Variants in PSG4 observed in about 807,000 individuals in gnomAD.
PSG4 encodes pregnancy specific beta-1-glycoprotein 4, also known as pregnancy-specific beta-1-glycoprotein 4.
PSG4 carries 61 observed loss-of-function variants against 44.3 expected under a neutral mutation model. The ratio of observed to expected loss-of-function variants is 1.38; its 90% CI spans 1.12 to 1.70. The LOEUF is 1.70. Among genes scored for constraint, PSG4 ranks in the 40% most tolerant of loss-of-function variants. The pLI is 0.00. For synonymous variants in PSG4, 248 were observed against 191.3 expected (o/e 1.30, Z -2.45); for missense variants, 677 against 511.7 (o/e 1.32, Z -3.12).
chr19:43,193,458 T>A (rs1225087646), intron 5 of PSG4, 70 bp from the exon 6 acceptor site: 12 of 763,494 alleles, frequency 1.6e-5, no homozygotes, highest in Non-Finnish European at 2.9e-5. Context: ...GTACTACAGT[T>A]TTTATTTTCC....
intron 2 of PSG4, among the ~76,000 whole-genome samples, chr19:43,202,839 A>T (rs1018867596): frequency 6.9e-6 from 1 of 144,666 alleles, no homozygotes; most frequent in Non-Finnish European, 1.5e-5. Flanking sequence ...ATTTGAGCCA[A>T]TAAATGACTA....
rs372055876 is a variant in PSG4 at position 43,196,296 on chromosome 19, G to A, written c.710-1023C>T. On this transcript the variant is annotated intron_variant, in intron 3 of 5. Transcript: ENST00000405312. ...GGATTCCAGAGTGAATATGAGAAGAGACTGCTGTTTGCCAGGAGCTGGGAG... is the reference window on the plus strand; with the variant it reads ...GGATTCCAGAGTGAATATGAGAAGAAACTGCTGTTTGCCAGGAGCTGGGAG... Among the ~76,000 whole-genome samples the A allele has an allele frequency of 2.3e-4, 35 of 151,720 alleles. No homozygotes were observed. In the East Asian group the frequency reaches 3.9e-3, roughly 17 times the overall value.
In PSG4 at chr19:43,193,362, C is replaced by T; in HGVS notation, c.*10G>A. 1 of 774,952 alleles carries T rather than the reference C, an allele frequency of 1.3e-6. No homozygotes were observed. The highest frequency in any genetic ancestry group is 2.4e-6 in the Non-Finnish European group (1 of 417,630). 48.0% of individuals were successfully genotyped at this position (774,952 alleles called of 1,614,324 possible). On this transcript the variant is annotated 3_prime_UTR_variant, in exon 6 of 6. Transcript: ENST00000405312. The stretch of plus-strand genomic sequence containing the variant: ...ATGGGAGAAAATGGAATTGGAGGAA[C>T]TAGTAGAATTCAGGGTAATATCCAG...
rs553722094 is a variant in PSG4 at position 43,194,001 on chromosome 19, A to G, written c.1243+339T>C. 1.3e-4 allele frequency: 117 copies of G among 912,068 alleles called. 2 individuals are homozygous for G. Among genetic ancestry groups the G allele is most frequent in the Non-Finnish European group, 1.9e-5 (11 of 583,768 alleles). The allele number at this position is 912,068 out of a possible 1,614,324, so 56.5% of individuals were successfully genotyped here. On this transcript the variant is annotated intron_variant, in intron 5 of 5. Transcript: ENST00000405312. ...TGCTACAAGCTATAGATAGATTAAA[A>G]GAAAAAAATTCCATAAATCTAGAAA... is the stretch of plus-strand genomic sequence containing the variant.
chr19:43,195,887 G>C (rs1967225088), intron 3 of PSG4, among the ~76,000 whole-genome samples: 1 of 150,344 alleles, frequency 6.7e-6, no homozygotes, highest in Non-Finnish European at 1.5e-5. Flanking sequence ...GGTGTTTCAT[G>C]ATGACTTACT....
At chr19:43,198,492 G>C (rs963970036) in intron 2 of PSG4, 7 of 898,230 alleles carry the variant, frequency 7.8e-6, no homozygotes, top group Admixed American at 6.4e-5. Context: ...ACTTTCTTAG[G>C]TGTGAATTGA....
chr19:43,203,850 T>TC (rs1967629469), intron 2 of PSG4, 36 bp downstream of exon 2: 1 of 1,568,056 alleles, frequency 6.4e-7, no homozygotes, highest in African/African-American at 1.5e-5. Flanking sequence ...GTGACCCCTG[T>TC]CCCCCAACAC....
chr19:43,194,665 GAC>G, intron 4 of PSG4, 71 bp from the exon 5 acceptor site: 1 of 1,551,602 alleles, frequency 6.4e-7, no homozygotes, highest in Admixed American at 1.9e-5. Context: ...CTCTTAAAGG[GAC>G]ACAGTTACCC....
intron 4 of PSG4, 55 bp from the exon 5 acceptor site, chr19:43,194,649 C>A: frequency 6.4e-7 from 1 of 1,570,406 alleles, no homozygotes; most frequent in Non-Finnish European, 8.6e-7. Flanking sequence ...AGGGGATGTT[C>A]CTGGTCTCTT....
At chr19:43,205,139 G>A (rs10425378) in intron 1 of PSG4, among the ~76,000 whole-genome samples, 66,533 of 110,512 alleles carry the variant, frequency 0.6, 21,822 homozygotes, top group East Asian at 0.83. Flanking sequence ...ACGGAGTCTC[G>A]TCCTGTCACC....
At chr19:43,205,131 G>T (rs1161834751) in intron 1 of PSG4, among the ~76,000 whole-genome samples, 2 of 22,914 alleles carry the variant, frequency 8.7e-5, no homozygotes, top group Non-Finnish European at 1.6e-4. Context: ...TTTTTGAGAC[G>T]GAGTCTCGTC....
intron 2 of PSG4, among the ~76,000 whole-genome samples, chr19:43,201,309 C>T (rs1967500104): frequency 2.1e-5 from 3 of 145,536 alleles, no homozygotes. Context: ...CTTTGTCAAA[C>T]TAGTGAAAGA....
At chr19:43,201,270 C>A (rs555990520) in intron 2 of PSG4, among the ~76,000 whole-genome samples, 1 of 145,640 alleles carries the variant, frequency 6.9e-6, no homozygotes, top group Non-Finnish European at 1.5e-5. Context: ...CTCCATAAAA[C>A]TAACACCCTT....
Position 43,194,435 on chromosome 19 carries a change from TG to T in PSG4, c.1147del (p.Gln383LysfsTer2). The T allele has an allele frequency of 1.9e-6, 3 of 1,612,382 alleles. No individual in the cohort carries two copies. Among genetic ancestry groups the T allele is most frequent in the Middle Eastern group, 3.3e-4 (2 of 6,052 alleles). ...GAGCCCACTATGCTTTGTAGTTATT[TG>T]GGGGATAGAGAGCTTTTGTCCTGAT... ...QLSGQKLSIP[Q>X]ITTKHSGLYA... On this transcript the variant is annotated frameshift_variant, in exon 5 of 6. Coordinates refer to ENST00000405312, the MANE Select transcript of PSG4 (RefSeq NM_002780.5). LOFTEE classifies it high-confidence loss of function.
At position 43,193,162 on chromosome 19, in the gene PSG4, C is replaced by T; in HGVS notation, c.*210G>A. ...ACTGTCCACAGTGTGAAGTCATCAA[C>T]TTGTTATCCTGGTTTACAGTTTGAG... On this transcript the variant is annotated 3_prime_UTR_variant, in exon 6 of 6. Coordinates refer to ENST00000405312, the MANE Select transcript of PSG4 (RefSeq NM_002780.5). 1.4e-6 allele frequency: 1 copy of T among 719,424 alleles called. No homozygotes were observed. The highest frequency in any genetic ancestry group is 1.9e-5 in the Admixed American group (1 of 52,418). The allele number at this position is 719,424 out of a possible 1,614,324, so 44.6% of individuals were successfully genotyped here. A position where few individuals can be genotyped will look rare whatever the true frequency, so the allele number is the denominator to read the frequency against.
At position 43,194,366 on chromosome 19, in the gene PSG4, G is replaced by A; in HGVS notation, c.1217C>T (p.Ser406Phe). 2 of 1,612,442 alleles carry A rather than the reference G, an allele frequency of 1.2e-6. No individual in the cohort carries two copies. Among genetic ancestry groups the A allele is most frequent in the Non-Finnish European group, 1.7e-6 (2 of 1,179,118 alleles). ...VRNSATGKES[S>F]KSITVKVSDW... Reference sequence around the variant, plus strand: ...AGAGACTTTGACTGTGATGGATTTGGAGCTTTCCTTGCCAGTGGCTGAGTT... The same window carrying A: ...AGAGACTTTGACTGTGATGGATTTGAAGCTTTCCTTGCCAGTGGCTGAGTT... The change falls in exon 5 of 6, where the codon TCC (serine) becomes TTC (phenylalanine). Residue 406 changes from serine (S) to phenylalanine (F), a missense_variant. Coordinates refer to ENST00000405312, the MANE Select transcript of PSG4 (RefSeq NM_002780.5).
Position 43,205,053 on chromosome 19 carries a change from T to A in PSG4, c.64+420A>T, listed in dbSNP as rs1218215210. ...TGACCCTCTGGTGTATTTTCCCCTA[T>A]CCAGGCTCCAACAGAGCCTTCTTTC... On this transcript the variant is annotated intron_variant, in intron 1 of 5. Coordinates refer to ENST00000405312, the MANE Select transcript of PSG4 (RefSeq NM_002780.5). 1.1e-4 allele frequency: 23 copies of A among 214,018 alleles called. 2 individuals are homozygous for A. Among genetic ancestry groups the A allele is most frequent in the Non-Finnish European group, 1.8e-4 (21 of 114,108 alleles). The allele number at this position is 214,018 out of a possible 1,614,324, so 13.3% of individuals were successfully genotyped here. A position where few individuals can be genotyped will look rare whatever the true frequency, so the allele number is the denominator to read the frequency against.
In PSG4 at chr19:43,193,166, T is replaced by C. The variant is rs1263118452; in HGVS notation, c.*206A>G. ...TCCACAGTGTGAAGTCATCAACTTG[T>C]TATCCTGGTTTACAGTTTGAGTAGC... On this transcript the variant is annotated 3_prime_UTR_variant, in exon 6 of 6. Transcript: ENST00000405312. 3 of 726,148 alleles carry C rather than the reference T, an allele frequency of 4.1e-6. No individual in the cohort carries two copies. Among genetic ancestry groups the C allele is most frequent in the Non-Finnish European group, 7.6e-6 (3 of 396,842 alleles). 45.0% of individuals were successfully genotyped at this position (726,148 alleles called of 1,614,324 possible).
At position 43,203,913 on chromosome 19, in the gene PSG4, T is replaced by A. The variant is rs749864605; in HGVS notation, c.403A>T (p.Thr135Ser). The A allele has an allele frequency of 3.2e-6, 5 of 1,583,358 alleles. No homozygotes were observed. In the South Asian group the frequency reaches 5.6e-5, roughly 18 times the overall value. Residue 135 changes from threonine to serine, a missense_variant, in exon 2 of 6, where the codon ACT becomes TCT. Transcript: ENST00000405312. The stretch of plus-strand genomic sequence containing the variant: ...TGTAAGGTGAAGGTGAAATGTCCAG[T>A]TACTCCTCCAGTCCCATCGCGTCGC... ...IKRRDGTGGV[T>S]GHFTFTLHLE...
Sources: allele counts gnomAD v4.1 joint callset (sites outside exome capture counted in the v4.1 genomes callset), GRCh38; gene constraint gnomAD v4.1.1; transcripts MANE v1.5; gene names NCBI Gene and HGNC (gene_info 2026-07-23, HGNC 2026-07-21).